CIC: variants seen among roughly 807,000 people sequenced by gnomAD.
The protein encoded by CIC is protein capicua homolog.
A neutral mutation model predicts 115.7 loss-of-function variants in CIC; 18 were observed. That is an observed-to-expected ratio of 0.16 (90% CI 0.11 to 0.23). CIC has a LOEUF of 0.23. Among genes scored for constraint, CIC ranks in the 10% least tolerant of loss-of-function variants. The pLI is 1.00. For synonymous variants in CIC, 1,076 were observed against 923.0 expected, an observed-to-expected ratio of 1.17 and a Z score of -3.01; for missense variants, 2,000 against 2,159.3, an observed-to-expected ratio of 0.93 and a Z score of 1.46.
rs1464814005 is a variant in CIC at position 42,280,613 on chromosome 19, C to T, written c.2794+6036C>T. Among the ~76,000 whole-genome samples the T allele has an allele frequency of 6.6e-6, 1 of 152,142 alleles. No individual in the cohort carries two copies. Among genetic ancestry groups the T allele is most frequent in the Non-Finnish European group, 1.5e-5 (1 of 67,992 alleles). Reference sequence around the variant, plus strand: ...ACCCTCCCTCCCACCGCAGACAGCTCGGGTGCCAGCTGGCCGGCGCCCCGC... The same window carrying T: ...ACCCTCCCTCCCACCGCAGACAGCTTGGGTGCCAGCTGGCCGGCGCCCCGC... On this transcript the variant is annotated intron_variant, in intron 2 of 20. Coordinates refer to ENST00000681038, the MANE Select transcript of CIC (RefSeq NM_001386298.1). The surrounding 1 kb of genome is among the most constrained non-coding windows in gnomAD (Gnocchi z 4.9).
Position 42,291,777 on chromosome 19 carries a change from A to G in CIC, c.5613+32A>G, listed in dbSNP as rs757330285. 3 of 1,610,468 alleles carry G rather than the reference A, an allele frequency of 1.9e-6. No individual in the cohort carries two copies. In the African/African-American group the frequency reaches 4.0e-5, roughly 22 times the overall value. On this transcript the variant is annotated intron_variant, in intron 12 of 20. Transcript: ENST00000681038. ...GCCTGCCTTTCTCTCTACCTGCTGG[A>G]TGTTGGCCCCTGTACCCCATCATTT...
intron 2 of CIC, chr19:42,284,914 G>T (rs1381685145): frequency 5.2e-6 from 4 of 766,800 alleles, no homozygotes; most frequent in Middle Eastern, 2.7e-4. Flanking sequence ...GAGCTCGGCC[G>T]GGCCGAGTGG....
chr19:42,283,366 G>GGGTGATGT (rs2037353257), intron 2 of CIC, among the ~76,000 whole-genome samples: 3 of 152,216 alleles, frequency 2.0e-5, no homozygotes, highest in Admixed American at 1.3e-4. Context: ...TGGATGAGAT[G>GGGTGATGT]GGTGATGTGA....
intron 2 of CIC, among the ~76,000 whole-genome samples, chr19:42,286,063 G>A (rs1178173371): frequency 6.6e-6 from 1 of 152,232 alleles, no homozygotes; most frequent in Non-Finnish European, 1.5e-5. Flanking sequence ...AAGCCGAGGG[G>A]CTGATGGGGA....
chr19:42,290,442 G>A lies in CIC; in HGVS notation c.4401G>A (p.Lys1467=), dbSNP rs2038000013. The change falls in exon 11 of 21, where the codon AAG becomes AAA. Residue 1467 remains lysine (K), a synonymous_variant. Transcript: ENST00000681038. ...TCTCACTGGGCTCAGGAACCTTCAA[G>A]GCCCAGGAGTCTGGTCAGGGCAGCA... ...TSFSLGSGTF[K]AQESGQGSTA... 6.2e-7 allele frequency: 1 copy of A among 1,614,014 alleles called. No homozygotes were observed. The highest frequency in any genetic ancestry group is 8.5e-7 in the Non-Finnish European group (1 of 1,179,960).
rs749413984 is a variant in CIC, at chr19:42,291,699, C to G, written c.5567C>G (p.Pro1856Arg). The G allele has an allele frequency of 6.2e-7, 1 of 1,613,020 alleles. No homozygotes were observed. Among genetic ancestry groups the G allele is most frequent in the Non-Finnish European group, 8.5e-7 (1 of 1,180,016 alleles). Residue 1856 changes from proline (P) to arginine (R), a missense_variant, in exon 12 of 21, where the codon CCG becomes CGG. Around this residue, in one of 8 missense-constraint regions of CIC, gnomAD observed 1,466 missense variants for 1,390.4 expected, o/e 1.05. Transcript: ENST00000681038. Reference protein sequence around the residue: ...GAGQPLPLVSPPFSVPVQNGA... With the variant: ...GAGQPLPLVSRPFSVPVQNGA... ...GGCCAGCCACTGCCACTGGTGAGCC[C>G]GCCCTTCTCAGTACCTGTGCAGAAT...
intron 10 of CIC, 109 bp from the exon 11 acceptor site, chr19:42,290,124 G>T: frequency 6.5e-7 from 1 of 1,530,552 alleles, no homozygotes; most frequent in South Asian, 1.1e-5. Context: ...GCTGGCAGGG[G>T]TGCAGCCCTA....
In CIC at chr19:42,280,856, G is replaced by T. The variant is rs906235435; in HGVS notation, c.2795-5915G>T. Among the ~76,000 whole-genome samples the T allele has an allele frequency of 4.6e-5, 7 of 151,604 alleles. No homozygotes were observed. Among genetic ancestry groups the T allele is most frequent in the African/African-American group, 1.5e-4 (6 of 41,308 alleles). On this transcript the variant is annotated intron_variant, in intron 2 of 20. Coordinates refer to ENST00000681038, the MANE Select transcript of CIC (RefSeq NM_001386298.1). The surrounding 1 kb of genome is among the most constrained non-coding windows in gnomAD (Gnocchi z 4.9). ...GCCGACCAACCCTCCCAGCCCAAGC[G>T]CCTGTACACCCCTTTCCCGCCCCCG...
At position 42,290,468 on chromosome 19, in the gene CIC, C is replaced by T. The variant is rs1418100343; in HGVS notation, c.4427C>T (p.Thr1476Ile). Residue 1476 changes from threonine to isoleucine, a missense_variant, in exon 11 of 21, where the codon ACA becomes ATA. Coordinates refer to ENST00000681038, the MANE Select transcript of CIC (RefSeq NM_001386298.1). Reference sequence around the variant, plus strand: ...GCCCAGGAGTCTGGTCAGGGCAGCACAGCGGGCCCCCTACGGCCCCCACCC... The same window carrying T: ...GCCCAGGAGTCTGGTCAGGGCAGCATAGCGGGCCCCCTACGGCCCCCACCC... ...FKAQESGQGS[T>I]AGPLRPPPPG... 1.2e-6 allele frequency: 2 copies of T among 1,613,950 alleles called. No homozygotes were observed. Among genetic ancestry groups the T allele is most frequent in the South Asian group, 1.1e-5 (1 of 91,074 alleles).
In CIC at chr19:42,288,883, T is replaced by C. The variant is rs1174964654; in HGVS notation, c.3659-5T>C. ...ACTGTCATAGCGCCACTCTCTACTT[T>C]ACAGTGTCCTCTGAGCTCCTGTCCG... is the stretch of plus-strand genomic sequence containing the variant. On this transcript the variant is annotated splice_region_variant and splice_polypyrimidine_tract_variant and intron_variant, in intron 7 of 20. Coordinates refer to ENST00000681038, the MANE Select transcript of CIC (RefSeq NM_001386298.1). 2 of 1,613,732 alleles carry C rather than the reference T, an allele frequency of 1.2e-6. No individual in the cohort carries two copies. The highest frequency in any genetic ancestry group is 1.7e-5 in the Admixed American group (1 of 60,020).
Position 42,270,275 on chromosome 19 carries a change from C to T in CIC, c.-11+894C>T, listed in dbSNP as rs1048236573. 4.6e-5 allele frequency among the ~76,000 whole-genome samples: 7 copies of T among 152,156 alleles called. No homozygotes were observed. Among genetic ancestry groups the T allele is most frequent in the African/African-American group, 1.7e-4 (7 of 41,422 alleles). ...TGCCTGTGAGGACCCCAGGATTGGC[C>T]CAAGAAAGGGCAGGCCTGGGACTCC... On this transcript the variant is annotated intron_variant, in intron 1 of 20. Transcript: ENST00000681038. This position sits in a 1 kb window ranked among gnomAD's most constrained non-coding sequence, Gnocchi z 4.1.
Position 42,295,423 on chromosome 19 carries a change from AACCTGGAGCGTGTG to A in CIC, c.*237_*250del. The A allele has an allele frequency of 5.6e-6, 3 of 533,796 alleles. No individual in the cohort carries two copies. The South Asian group carries it at 7.3e-5, about 13-fold the overall frequency. 33.1% of individuals were successfully genotyped at this position (533,796 alleles called of 1,614,324 possible). A position where few individuals can be genotyped will look rare whatever the true frequency, so the allele number is the denominator to read the frequency against. ...CTCCCTCCTCCAAGCCCCTGTACATAACCTGGAGCGTGTGACCTTCAGAGCTTTTCACTTTATGC... is the reference window on the plus strand; with the variant it reads ...CTCCCTCCTCCAAGCCCCTGTACATAACCTTCAGAGCTTTTCACTTTATGC... On this transcript the variant is annotated 3_prime_UTR_variant, in exon 21 of 21. Transcript: ENST00000681038.
chr19:42,282,442 C>G (rs1414656210), intron 2 of CIC, among the ~76,000 whole-genome samples: 1 of 152,246 alleles, frequency 6.6e-6, no homozygotes, highest in Non-Finnish European at 1.5e-5. Context: ...TGTGCCTTTA[C>G]TGGGTATGGC....
At chr19:42,284,726 C>G (rs781617630) in intron 2 of CIC, 2 of 1,555,868 alleles carry the variant, frequency 1.3e-6, no homozygotes, top group East Asian at 4.8e-5. Context: ...CCACAGGCCC[C>G]TGATGCCCGC....
In CIC at chr19:42,287,060, G is replaced by A. The variant is rs371378539; in HGVS notation, c.2999G>A (p.Ser1000Asn). The A allele has an allele frequency of 9.3e-6, 15 of 1,612,532 alleles. No individual in the cohort carries two copies. Among genetic ancestry groups the A allele is most frequent in the Admixed American group, 3.3e-5 (2 of 60,008 alleles). ...AHERPPGGTG[S>N]ADPERPPGAT... ...GAACGGCCACCAGGTGGGACAGGGA[G>A]TGCTGACCCTGAGCGGCCCCCTGGA... The change falls in exon 4 of 21, where the codon AGT (serine) becomes AAT (asparagine). Residue 1000 changes from serine to asparagine, a missense_variant. Physicochemically the swap from Ser to Asn is conservative, Grantham distance 46. Transcript: ENST00000681038. This position sits in a 1 kb window ranked among gnomAD's most constrained non-coding sequence, Gnocchi z 8.7.
At position 42,270,290 on chromosome 19, in the gene CIC, C is replaced by T. The variant is rs757475748; in HGVS notation, c.-11+909C>T. ...CAGGATTGGCCCAAGAAAGGGCAGG[C>T]CTGGGACTCCAGGGTCCACAGGAGG... On this transcript the variant is annotated intron_variant, in intron 1 of 20. Transcript: ENST00000681038. The surrounding 1 kb of genome is among the most constrained non-coding windows in gnomAD (Gnocchi z 4.1). 2.0e-5 allele frequency among the ~76,000 whole-genome samples: 3 copies of T among 152,280 alleles called. No homozygotes were observed. Among genetic ancestry groups the T allele is most frequent in the Non-Finnish European group, 2.9e-5 (2 of 68,000 alleles).
intron 2 of CIC, chr19:42,279,951 G>A: frequency 6.5e-6 from 1 of 153,522 alleles, no homozygotes; most frequent in East Asian, 1.9e-4. Context: ...CCTGGCGGCA[G>A]GCGGCGGCGG....
In CIC at chr19:42,289,897, G is replaced by A. The variant is rs1295790805; in HGVS notation, c.4137G>A (p.Arg1379=). 1 of 1,610,530 alleles carries A rather than the reference G, an allele frequency of 6.2e-7. No individual in the cohort carries two copies. The highest frequency in any genetic ancestry group is 8.5e-7 in the Non-Finnish European group (1 of 1,178,624). Residue 1379 remains arginine, a synonymous_variant, in exon 10 of 21, where the codon CGG becomes CGA. Transcript: ENST00000681038. The part of the protein sequence containing the change: ...TTDIDLKCKE[R]VTDSESGDSS... ...ACATTGATCTCAAGTGCAAGGAGCG[G>A]GTGACCGACAGCGAGAGTGGGGACA...
At chr19:42,281,881 G>C (rs1343356709) in intron 2 of CIC, among the ~76,000 whole-genome samples, 11 of 152,224 alleles carry the variant, frequency 7.2e-5, no homozygotes, top group Admixed American at 7.2e-4. Context: ...TGCCATGCCT[G>C]GCTCTTTTTC....
Sources: allele counts gnomAD v4.1 joint callset (sites outside exome capture counted in the v4.1 genomes callset), GRCh38; gene constraint gnomAD v4.1.1; regional missense constraint gnomAD v4.1.1; non-coding constraint Gnocchi (gnomAD v3.1); transcripts MANE v1.5; gene names NCBI Gene and HGNC (gene_info 2026-07-23, HGNC 2026-07-21).